PTPN3: variants seen among roughly 807,000 people sequenced by gnomAD.
The protein encoded by PTPN3 is tyrosine-protein phosphatase non-receptor type 3.
PTPN3 carries 96 observed loss-of-function variants against 132.7 expected under a neutral mutation model. That is an observed-to-expected ratio of 0.72 (90% confidence interval 0.61 to 0.86). The LOEUF (loss-of-function observed/expected upper bound fraction) is 0.86. PTPN3 is among the 40% of genes least tolerant of loss of function. The pLI, the probability that PTPN3 is intolerant of heterozygous loss-of-function variation, is 0.00. For synonymous variants in PTPN3, 398 were observed against 429.0 expected (o/e 0.93, Z 0.89); for missense variants, 1,125 against 1,159.6 (o/e 0.97, Z 0.43).
At position 109,433,121 on chromosome 9, in the gene PTPN3, G is replaced by A. The variant is rs1345596937; in HGVS notation, c.716C>T (p.Ala239Val). 6.8e-6 allele frequency: 11 copies of A among 1,614,100 alleles called. No individual in the cohort carries two copies. Among genetic ancestry groups the A allele is most frequent in the Non-Finnish European group, 9.3e-6 (11 of 1,180,014 alleles). ...NLDLMIGIAS[A>V]GVAVYRKYIC... is the part of the protein sequence containing the mutation. The stretch of plus-strand genomic sequence containing the variant: ...GTATTTTCGGTACACAGCAACACCC[G>A]CGGAAGCAATTCCAATCATTAGGTC... Residue 239 changes from alanine to valine, a missense_variant, in exon 10 of 26, where the codon GCG becomes GTG. Transcript: ENST00000374541.
chr9:109,436,472 T>C (rs754497094), intron 9 of PTPN3, among the ~76,000 whole-genome samples: 2 of 152,178 alleles, frequency 1.3e-5, no homozygotes, highest in African/African-American at 4.8e-5. Context: ...TATATCACCA[T>C]AATCTTTTTA....
chr9:109,456,097 C>T (rs897173871), intron 4 of PTPN3, among the ~76,000 whole-genome samples: 8 of 152,192 alleles, frequency 5.3e-5, no homozygotes, highest in East Asian at 1.9e-4. Context: ...AGCAGTGAGA[C>T]GGGAGCGAAG....
Position 109,389,226 on chromosome 9 carries a change from T to C in PTPN3, c.2253+7A>G, listed in dbSNP as rs746245241. 2 of 1,613,820 alleles carry C rather than the reference T, an allele frequency of 1.2e-6. No homozygotes were observed. Among genetic ancestry groups the C allele is most frequent in the South Asian group, 2.2e-5 (2 of 90,988 alleles). ...CACACATCTGAATTAGAAATCAAGC[T>C]ACTTACCCGCCCTCGTTCTGTGAGA... On this transcript the variant is annotated splice_region_variant and intron_variant, in intron 22 of 25. Transcript: ENST00000374541.
At chr9:109,520,531 C>T in the PTPN3 span, among the ~76,000 whole-genome samples, 2 of 152,226 alleles carry the variant, frequency 1.3e-5, no homozygotes. Context: ...GCTTGCTGTG[C>T]TGGGGATCAG....
rs1408286488 is a variant in PTPN3 at position 109,376,341 on chromosome 9, T to A, written c.*3215A>T. ...ATGAAGAGGGCTTTTTCGCTTGCCCTCAAATGCTCATTTCTGAGGTACCCC... is the reference window on the plus strand; with the variant it reads ...ATGAAGAGGGCTTTTTCGCTTGCCCACAAATGCTCATTTCTGAGGTACCCC... On this transcript the variant is annotated 3_prime_UTR_variant, in exon 26 of 26. Transcript: ENST00000374541. 6.6e-6 allele frequency: 1 copy of A among 152,078 alleles called. No individual in the cohort carries two copies. The highest frequency in any genetic ancestry group is 2.4e-5 in the African/African-American group (1 of 41,404). The allele number at this position is 152,078 out of a possible 1,614,324, so 9.4% of individuals were successfully genotyped here. A position where few individuals can be genotyped will look rare whatever the true frequency, so the allele number is the denominator to read the frequency against.
At chr9:109,511,126 G>T in the PTPN3 span, among the ~76,000 whole-genome samples, 3 of 152,210 alleles carry the variant, frequency 2.0e-5, no homozygotes, top group East Asian at 1.9e-4. Context: ...ACTATCCTAT[G>T]GGAGGTTCAG....
chr9:109,536,107 A>C, the PTPN3 span, among the ~76,000 whole-genome samples: 2 of 152,288 alleles, frequency 1.3e-5, no homozygotes, highest in African/African-American at 4.8e-5. Flanking sequence ...ATATAAATGG[A>C]ATAATAATAA....
At chr9:109,423,590 A>C (rs1798808874) in intron 12 of PTPN3, among the ~76,000 whole-genome samples, 2 of 152,204 alleles carry the variant, frequency 1.3e-5, no homozygotes, top group South Asian at 4.1e-4. Context: ...TGGGGAACAC[A>C]GTAAGACTCT....
the PTPN3 span, among the ~76,000 whole-genome samples, chr9:109,504,551 G>T: frequency 6.6e-6 from 1 of 152,186 alleles, no homozygotes; most frequent in East Asian, 1.9e-4. Flanking sequence ...TTATCATAGA[G>T]ATGGAAAGAT....
chr9:109,484,396 G>A (rs1440723791), intron 1 of PTPN3, among the ~76,000 whole-genome samples: 2 of 152,202 alleles, frequency 1.3e-5, no homozygotes, highest in Non-Finnish European at 2.9e-5. Context: ...GTGGGGGCCC[G>A]GTGATGGTCC....
chr9:109,458,664 C>G, intron 2 of PTPN3, among the ~76,000 whole-genome samples: 1 of 152,088 alleles, frequency 6.6e-6, no homozygotes, highest in South Asian at 2.1e-4. Flanking sequence ...CCTGAACATG[C>G]CCCCTTTCCT....
At chr9:109,429,753 A>G (rs375276808) in intron 10 of PTPN3, among the ~76,000 whole-genome samples, 4 of 152,220 alleles carry the variant, frequency 2.6e-5, no homozygotes, top group African/African-American at 9.6e-5. Flanking sequence ...TCCCCCAAGT[A>G]CACCAAGGGC....
chr9:109,456,766 A>C (rs1422476313), intron 4 of PTPN3, among the ~76,000 whole-genome samples: 1 of 152,154 alleles, frequency 6.6e-6, no homozygotes, highest in Non-Finnish European at 1.5e-5. Flanking sequence ...TTACCTACTT[A>C]TGGTTCGGTT....
chr9:109,500,665 T>C (rs1847852144), upstream of PTPN3, among the ~76,000 whole-genome samples: 2 of 149,004 alleles, frequency 1.3e-5, no homozygotes, highest in South Asian at 4.2e-4. Flanking sequence ...GTGAGGTGGC[T>C]CATGCCTGTA....
chr9:109,496,307 T>A (rs1359198836), intron 1 of PTPN3, among the ~76,000 whole-genome samples: 1 of 152,248 alleles, frequency 6.6e-6, no homozygotes, highest in Non-Finnish European at 1.5e-5. Flanking sequence ...AATTTTCAAC[T>A]AGTCAATCTC....
intron 16 of PTPN3, among the ~76,000 whole-genome samples, chr9:109,408,865 T>TTA (rs71372566): frequency 0.033 from 4,369 of 133,490 alleles, 142 homozygotes; most frequent in East Asian, 0.15. Context: ...TATATGGGCT[T>TTA]TATATATATA....
chr9:109,386,993 C>T (rs746033771), intron 22 of PTPN3, among the ~76,000 whole-genome samples: 3 of 152,082 alleles, frequency 2.0e-5, no homozygotes, highest in East Asian at 1.9e-4. Flanking sequence ...AGCGGCAGAC[C>T]GTGGTGAGTG....
At position 109,410,065 on chromosome 9, in the gene PTPN3, AC is replaced by A; in HGVS notation, c.1511del (p.Gly504ValfsTer5). On this transcript the variant is annotated frameshift_variant, in exon 16 of 26. Transcript: ENST00000374541. LOFTEE classifies it high-confidence loss of function. ...SQYYCDKNDN[G>X]DSYLVLIRIT... ...TACGGATCAAGACTAAGTAGCTGTC[AC>A]CATTATCATTCTGGAAAACGGTTTG... 2 of 1,614,234 alleles carry A rather than the reference AC, an allele frequency of 1.2e-6. No individual in the cohort carries two copies. Among genetic ancestry groups the A allele is most frequent in the Non-Finnish European group, 1.7e-6 (2 of 1,180,044 alleles).
chr9:109,418,330 T>C (rs77450174), intron 14 of PTPN3, among the ~76,000 whole-genome samples: 8,024 of 152,282 alleles, frequency 0.053, 261 homozygotes, highest in East Asian at 0.15. Flanking sequence ...CCCTCTAAAG[T>C]GCCTGCATGT....
Sources: gnomAD v4.1 joint callset for allele counts (sites outside exome capture counted in the v4.1 genomes callset) on GRCh38, gnomAD v4.1.1 for gene constraint, MANE v1.5 for transcripts, NCBI Gene and HGNC (gene_info 2026-07-23, HGNC 2026-07-21) for gene names.